The following AKT3 variants were observed in gnomAD, a reference collection of about 807,000 sequenced individuals.
AKT3 encodes the protein RAC-gamma serine/threonine-protein kinase.
AKT3 carries 15 observed loss-of-function variants against 65.3 expected under a neutral mutation model. That is an observed-to-expected ratio of 0.23 (90% CI 0.15 to 0.35). The LOEUF is 0.35. AKT3 is among the 10% of genes least tolerant of loss of function. The probability of loss-of-function intolerance (pLI) is 1.00; values close to 1 mark genes in which losing one functional copy is unlikely to be tolerated. For synonymous variants in AKT3, 206 were observed against 183.8 expected, an observed-to-expected ratio of 1.12 and a Z score of -0.98; for missense variants, 243 against 576.5, an observed-to-expected ratio of 0.42 and a Z score of 5.92.
At chr1:243,764,952 A>G (rs1439931374) in intron 2 of AKT3, among the ~76,000 whole-genome samples, 1 of 152,140 alleles carries the variant, frequency 6.6e-6, no homozygotes, top group Non-Finnish European at 1.5e-5. Context: ...TTAGAACAGC[A>G]TTCATTAGAC....
rs2148345174 is a variant in AKT3, at chr1:243,505,258, T to C, written c.1431A>G (p.Gly477=). Residue 477 remains glycine (G), a synonymous_variant, in exon 14 of 14, where the codon GGA becomes GGG. Transcript: ENST00000673466. ...HFPQFSYSAS[G]RE ...GCAGAATGAAAGAGACTTATTCTCGTCCACTTGCAGAGTAGGAAAATTGAG... is the reference window on the plus strand; with the variant it reads ...GCAGAATGAAAGAGACTTATTCTCGCCCACTTGCAGAGTAGGAAAATTGAG... 1 of 1,613,510 alleles carries C rather than the reference T, an allele frequency of 6.2e-7. No individual in the cohort carries two copies. The highest frequency in any genetic ancestry group is 1.1e-5 in the South Asian group (1 of 91,066).
In AKT3 at chr1:243,767,995, G is replaced by A. The variant is rs529057873; in HGVS notation, c.47-72279C>T. On this transcript the variant is annotated intron_variant, in intron 2 of 13. Transcript: ENST00000673466. ...AAAATTGCCTTATAAAATATATAGA[G>A]AGGGGGAAAAAAATAAAGCATAAAC... 1.1e-4 allele frequency among the ~76,000 whole-genome samples: 17 copies of A among 151,738 alleles called. No individual in the cohort carries two copies. In the South Asian group the frequency reaches 2.5e-3, roughly 22 times the overall value.
intron 2 of AKT3, among the ~76,000 whole-genome samples, chr1:243,799,135 T>A (rs963527160): frequency 2.6e-5 from 4 of 152,126 alleles, no homozygotes; most frequent in Admixed American, 2.6e-4. Context: ...TATATCTTTA[T>A]ATACTGTGTG....
At chr1:243,497,597 C>T (rs577680313), downstream of AKT3, among the ~76,000 whole-genome samples, 1 of 152,236 alleles carries the variant, frequency 6.6e-6, no homozygotes, top group South Asian at 2.1e-4. Context: ...TGCTAGGTGG[C>T]CTGGGAGCCC....
chr1:243,701,401 G>C (rs891305375), intron 2 of AKT3, among the ~76,000 whole-genome samples: 51 of 152,070 alleles, frequency 3.4e-4, no homozygotes, highest in African/African-American at 1.2e-3. Flanking sequence ...AAGTGAGCTG[G>C]GTACTGGTTG....
chr1:243,636,414 A>G (rs990351514), intron 6 of AKT3, among the ~76,000 whole-genome samples: 9 of 152,094 alleles, frequency 5.9e-5, no homozygotes, highest in African/African-American at 2.2e-4. Flanking sequence ...TCACTTACTA[A>G]GCAGCAAAAC....
At chr1:243,820,068 G>C (rs1693763933) in intron 2 of AKT3, among the ~76,000 whole-genome samples, 1 of 152,138 alleles carries the variant, frequency 6.6e-6, no homozygotes, top group African/African-American at 2.4e-5. Context: ...ACAGGCGCAT[G>C]CCACCACGCC....
intron 1 of AKT3, among the ~76,000 whole-genome samples, chr1:243,849,741 G>A (rs1435483354): frequency 6.6e-6 from 1 of 151,610 alleles, no homozygotes; most frequent in African/African-American, 2.4e-5. Context: ...GCTAGGCCGG[G>A]AACACCCCTC....
At chr1:243,581,627 A>G (rs1353389096) in intron 8 of AKT3, among the ~76,000 whole-genome samples, 1 of 152,096 alleles carries the variant, frequency 6.6e-6, no homozygotes, top group African/African-American at 2.4e-5. Context: ...CAGAAGTTAC[A>G]AGTGTTAGGG....
chr1:243,650,253 GGTT>G (rs560951468), intron 4 of AKT3, among the ~76,000 whole-genome samples: 14 of 152,136 alleles, frequency 9.2e-5, no homozygotes, highest in African/African-American at 3.4e-4. Flanking sequence ...TTTTTGATGG[GGTT>G]GTTTTCTTCT....
intron 6 of AKT3, among the ~76,000 whole-genome samples, chr1:243,616,628 T>C (rs1678346449): frequency 2.0e-5 from 3 of 152,170 alleles, no homozygotes; most frequent in Admixed American, 2.0e-4. Context: ...TTCTTAACAC[T>C]GTCAGAAAAT....
intron 2 of AKT3, among the ~76,000 whole-genome samples, chr1:243,841,362 A>G (rs1327854029): frequency 6.6e-6 from 1 of 152,172 alleles, no homozygotes; most frequent in Admixed American, 6.5e-5. Flanking sequence ...AACCCTCAAA[A>G]CCATCTTGTG....
chr1:243,717,454 A>T (rs569299231), intron 2 of AKT3, among the ~76,000 whole-genome samples: 64 of 152,336 alleles, frequency 4.2e-4, no homozygotes, highest in South Asian at 1.0e-3. Flanking sequence ...TTATCATTTT[A>T]AAAAATTATT....
intron 5 of AKT3, 73 bp from the exon 6 acceptor site, chr1:243,637,815 T>C (rs1680087033): frequency 3.6e-6 from 4 of 1,115,926 alleles, no homozygotes; most frequent in Non-Finnish European, 4.8e-6. Context: ...TATATATGTG[T>C]TTGCAATATC....
At chr1:243,511,178 T>A (rs948223979) in intron 13 of AKT3, among the ~76,000 whole-genome samples, 2 of 152,268 alleles carry the variant, frequency 1.3e-5, no homozygotes, top group African/African-American at 4.8e-5. Flanking sequence ...ATCGGTCAAG[T>A]TGGTAAGCCC....
At chr1:243,824,702 AG>A (rs1404381983) in intron 2 of AKT3, among the ~76,000 whole-genome samples, 1 of 152,224 alleles carries the variant, frequency 6.6e-6, no homozygotes, top group East Asian at 1.9e-4. Flanking sequence ...AATCACAAGG[AG>A]ATACCACCTC....
In AKT3 at chr1:243,503,656, A is replaced by G. The variant is rs115740111; in HGVS notation, c.*1593T>C. 987 of 232,680 alleles carry G rather than the reference A, an allele frequency of 4.2e-3. 13 individuals are homozygous for G. Among genetic ancestry groups the G allele is most frequent in the African/African-American group, 0.019 (878 of 45,382 alleles). The allele number at this position is 232,680 out of a possible 1,614,324, so 14.4% of individuals were successfully genotyped here. Reference sequence around the variant, plus strand: ...TGCATACATGCCCCCTTTCAGTGAGAAATGTTGGAATCTGGGGGACATGAG... The same window carrying G: ...TGCATACATGCCCCCTTTCAGTGAGGAATGTTGGAATCTGGGGGACATGAG... On this transcript the variant is annotated 3_prime_UTR_variant, in exon 14 of 14. Coordinates refer to ENST00000673466, the MANE Select transcript of AKT3 (RefSeq NM_005465.7).
chr1:243,776,992 A>G (rs1690593178), intron 2 of AKT3, among the ~76,000 whole-genome samples: 1 of 152,226 alleles, frequency 6.6e-6, no homozygotes, highest in Admixed American at 6.5e-5. Flanking sequence ...AATACAATGT[A>G]ATAAGTGTTA....
At chr1:243,594,422 C>A (rs1054431442) in intron 8 of AKT3, among the ~76,000 whole-genome samples, 1 of 152,070 alleles carries the variant, frequency 6.6e-6, no homozygotes, top group Non-Finnish European at 1.5e-5. Context: ...ACAGAAGAGT[C>A]AAAACAATTC....
Sources: allele counts gnomAD v4.1 joint callset (sites outside exome capture counted in the v4.1 genomes callset), GRCh38; gene constraint gnomAD v4.1.1; transcripts MANE v1.5; gene names NCBI Gene and HGNC (gene_info 2026-07-23, HGNC 2026-07-21).